CDH4: variants seen among roughly 807,000 people sequenced by gnomAD.
The protein encoded by CDH4 is cadherin-4.
Under a neutral mutation model 86.0 loss-of-function variants are expected in CDH4, and 33 were observed. The observed-to-expected ratio is 0.38, with a 90% CI of 0.29 to 0.51. CDH4 has a LOEUF of 0.51. Ranked by LOEUF, CDH4 falls within the 20% of genes least tolerant of loss-of-function variation. The probability of loss-of-function intolerance (pLI) is 0.86; values close to 1 mark genes in which losing one functional copy is unlikely to be tolerated. For synonymous variants in CDH4, 555 were observed against 549.4 expected (o/e 1.01, Z -0.14); for missense variants, 1,114 against 1,307.4 (o/e 0.85, Z 2.28).
At chr20:61,319,963 A>AAG (rs1483438418) in intron 2 of CDH4, among the ~76,000 whole-genome samples, 1 of 152,002 alleles carries the variant, frequency 6.6e-6, no homozygotes, top group Non-Finnish European at 1.5e-5. Context: ...TAAAAAAAAA[A>AAG]AAAAATGGTG....
intron 2 of CDH4, among the ~76,000 whole-genome samples, chr20:61,617,776 A>T (rs2086737404): frequency 6.6e-6 from 1 of 152,214 alleles, no homozygotes; most frequent in Non-Finnish European, 1.5e-5. Context: ...CAAAACTGCA[A>T]AGAGGGAGGA....
At chr20:61,666,708 A>G (rs555734726) in intron 2 of CDH4, among the ~76,000 whole-genome samples, 1 of 152,278 alleles carries the variant, frequency 6.6e-6, no homozygotes, top group East Asian at 1.9e-4. Flanking sequence ...CCTCCGCCCC[A>G]GATCGCCACT....
chr20:61,499,634 A>G, intron 2 of CDH4: 1 of 717,034 alleles, frequency 1.4e-6, no homozygotes, highest in East Asian at 6.6e-5. Context: ...CAGCCTGCAG[A>G]CACAGGACAG....
chr20:61,514,254 T>C (rs2085801108), intron 2 of CDH4, among the ~76,000 whole-genome samples: 1 of 151,870 alleles, frequency 6.6e-6, no homozygotes, highest in African/African-American at 2.4e-5. Context: ...TTCAGACCCC[T>C]CAGGAAGAAT....
intron 8 of CDH4, among the ~76,000 whole-genome samples, chr20:61,899,253 G>A (rs1048412325): frequency 1.1e-4 from 17 of 151,148 alleles, no homozygotes; most frequent in African/African-American, 3.4e-4. Flanking sequence ...GCAGTGAATC[G>A]AGATTGCACC....
At chr20:61,886,387 G>A (rs1470924369) in intron 7 of CDH4, among the ~76,000 whole-genome samples, 1 of 152,236 alleles carries the variant, frequency 6.6e-6, no homozygotes, top group Non-Finnish European at 1.5e-5. Flanking sequence ...CTATGGGGAG[G>A]TGAGCAAAAA....
intron 2 of CDH4, among the ~76,000 whole-genome samples, chr20:61,261,285 A>G (rs999185650): frequency 6.6e-6 from 1 of 152,232 alleles, no homozygotes; most frequent in African/African-American, 2.4e-5. Flanking sequence ...GCTCACTGCC[A>G]CTAAGCAGAC....
At chr20:61,905,413 C>T (rs900491637) in intron 8 of CDH4, among the ~76,000 whole-genome samples, 4 of 152,206 alleles carry the variant, frequency 2.6e-5, no homozygotes, top group Admixed American at 6.5e-5. Flanking sequence ...AGTGGAGAAG[C>T]GTCAGACAGG....
At chr20:61,320,975 A>G (rs1379706700) in intron 2 of CDH4, among the ~76,000 whole-genome samples, 1 of 152,028 alleles carries the variant, frequency 6.6e-6, no homozygotes, top group Non-Finnish European at 1.5e-5. Flanking sequence ...GAAGTGTCCC[A>G]GGTCTCTCCT....
intron 7 of CDH4, among the ~76,000 whole-genome samples, chr20:61,890,855 C>A (rs1040923624): frequency 7.2e-5 from 11 of 152,234 alleles, no homozygotes; most frequent in African/African-American, 2.6e-4. Flanking sequence ...TGTGCCAGGT[C>A]TGTATCTGGC....
intron 2 of CDH4, among the ~76,000 whole-genome samples, chr20:61,262,309 C>T (rs982347681): frequency 1.2e-4 from 18 of 152,168 alleles, no homozygotes; most frequent in African/African-American, 4.1e-4. Context: ...GCAGAGATCT[C>T]GTACTCTAAG....
rs1454205807 is a variant in CDH4, at chr20:61,829,161, TCTC to T, written c.577-15504_577-15502del. Among the ~76,000 whole-genome samples the T allele has an allele frequency of 6.6e-6, 1 of 152,126 alleles. No homozygotes were observed. The highest frequency in any genetic ancestry group is 1.9e-4 in the East Asian group (1 of 5,180). ...GGGGACCCTGCTTTAAGCAGTCGCTTCTCCTTCCCTGGCCTCGCCCCCAGCAGC... is the reference window on the plus strand; with the variant it reads ...GGGGACCCTGCTTTAAGCAGTCGCTTCTTCCCTGGCCTCGCCCCCAGCAGC... On this transcript the variant is annotated intron_variant, in intron 4 of 15. Transcript: ENST00000614565. This position sits in a 1 kb window ranked among gnomAD's most constrained non-coding sequence, Gnocchi z 4.2.
intron 2 of CDH4, among the ~76,000 whole-genome samples, chr20:61,565,151 AGT>A (rs2086262086): frequency 1.5e-5 from 1 of 67,514 alleles, no homozygotes; most frequent in Non-Finnish European, 2.9e-5. Flanking sequence ...TGGTGTTGGT[AGT>A]GGTCCTCTTG....
intron 2 of CDH4, among the ~76,000 whole-genome samples, chr20:61,577,475 G>A (rs559456888): frequency 6.6e-5 from 10 of 152,258 alleles, no homozygotes; most frequent in Admixed American, 1.3e-4. Flanking sequence ...TTTGTGTATC[G>A]AACGATGCAT....
intron 4 of CDH4, among the ~76,000 whole-genome samples, chr20:61,836,370 A>G (rs762499051): frequency 3.3e-5 from 5 of 152,162 alleles, no homozygotes; most frequent in South Asian, 2.1e-4. Flanking sequence ...ACTATTCCCC[A>G]CCGGGCAGAT....
intron 2 of CDH4, among the ~76,000 whole-genome samples, chr20:61,662,606 C>T (rs1291994233): frequency 6.6e-6 from 1 of 152,164 alleles, no homozygotes. Flanking sequence ...AGGACTGGGG[C>T]GTGAGGAAAG....
intron 2 of CDH4, among the ~76,000 whole-genome samples, chr20:61,420,359 A>G (rs2145501262): frequency 6.6e-6 from 1 of 152,280 alleles, no homozygotes. Context: ...CTTGCCACTA[A>G]AGGCCATGGA....
chr20:61,600,992 C>T (rs528453890), intron 2 of CDH4, among the ~76,000 whole-genome samples: 1 of 152,268 alleles, frequency 6.6e-6, no homozygotes, highest in African/African-American at 2.4e-5. Context: ...CCTGAGTGCC[C>T]TTCCCTGAAA....
chr20:61,919,960 TTGTG>T (rs762554694), intron 9 of CDH4, among the ~76,000 whole-genome samples: 1,051 of 146,058 alleles, frequency 7.2e-3, no homozygotes, highest in African/African-American at 0.024. Flanking sequence ...CGTGTTGTGA[TTGTG>T]TGGAAGCGTG....
Sources: allele counts gnomAD v4.1 joint callset (sites outside exome capture counted in the v4.1 genomes callset), GRCh38; gene constraint gnomAD v4.1.1; non-coding constraint Gnocchi (gnomAD v3.1); transcripts MANE v1.5; gene names NCBI Gene and HGNC (gene_info 2026-07-23, HGNC 2026-07-21).